The following VEGFA variants were observed in gnomAD, a reference collection of about 807,000 sequenced individuals.
VEGFA encodes vascular endothelial growth factor A.
A neutral mutation model predicts 49.7 loss-of-function variants in VEGFA; 20 were observed. The observed-to-expected ratio is 0.40, with a 90% CI of 0.28 to 0.58. The LOEUF is 0.58. VEGFA is among the 20% of genes least tolerant of loss of function. The probability of loss-of-function intolerance (pLI) is 0.40; values close to 1 mark genes in which losing one functional copy is unlikely to be tolerated. For missense variants in VEGFA, 505 were observed against 553.5 expected, an observed-to-expected ratio of 0.91 and a Z score of 0.88; for synonymous variants, 219 against 223.4, an observed-to-expected ratio of 0.98 and a Z score of 0.18.
Position 43,771,138 on chromosome 6 carries a change from C to G in VEGFA, c.432C>G (p.Gly144=), listed in dbSNP as rs2127996873. ...CCCAGGCCCTGGCCCGGGCCTCGGGCCGGGGAGGAAGAGTAGCTCGCCGAG... is the reference window on the plus strand; with the variant it reads ...CCCAGGCCCTGGCCCGGGCCTCGGGGCGGGGAGGAAGAGTAGCTCGCCGAG... The change falls in exon 1 of 8, where the codon GGC becomes GGG. Residue 144 remains glycine (G), a synonymous_variant. Coordinates refer to ENST00000672860, the MANE Select transcript of VEGFA (RefSeq NM_003376.6). The G allele has an allele frequency of 5.3e-6, 8 of 1,513,448 alleles. No individual in the cohort carries two copies. Among genetic ancestry groups the G allele is most frequent in the Non-Finnish European group, 6.2e-6 (7 of 1,134,774 alleles). 93.8% of individuals were successfully genotyped at this position (1,513,448 alleles called of 1,614,324 possible). A position where few individuals can be genotyped will look rare whatever the true frequency, so the allele number is the denominator to read the frequency against.
chr6:43,778,383 A>C, intron 3 of VEGFA, 77 bp from the exon 4 acceptor site: 1 of 1,286,282 alleles, frequency 7.8e-7, no homozygotes, highest in Non-Finnish European at 1.1e-6. Flanking sequence ...GCTGAGTGGC[A>C]GGAGCCCCAG....
At chr6:43,778,718 C>A (rs1238449293) in intron 4 of VEGFA, 171 bp from the exon 5 acceptor site, 1 of 972,416 alleles carries the variant, frequency 1.0e-6, no homozygotes, top group African/African-American at 1.6e-5. Flanking sequence ...TAGTATACTT[C>A]ATAGCATTGT....
chr6:43,786,161 G>A lies in VEGFA; in HGVS notation c.*1599G>A, dbSNP rs549547019. 771 of 176,010 alleles carry A rather than the reference G, an allele frequency of 4.4e-3. 6 individuals are homozygous for A. Among genetic ancestry groups the A allele is most frequent in the African/African-American group, 0.018 (740 of 41,972 alleles). 10.9% of individuals were successfully genotyped at this position (176,010 alleles called of 1,614,324 possible). ...TTTGTGTGTATATATATATATATATGTTTATGTATATATGTGATTCTGATA... is the reference window on the plus strand; with the variant it reads ...TTTGTGTGTATATATATATATATATATTTATGTATATATGTGATTCTGATA... On this transcript the variant is annotated 3_prime_UTR_variant, in exon 8 of 8. Transcript: ENST00000672860.
chr6:43,772,287 T>G (rs1044837010), intron 1 of VEGFA, among the ~76,000 whole-genome samples: 5 of 152,246 alleles, frequency 3.3e-5, no homozygotes, highest in Admixed American at 2.0e-4. Flanking sequence ...AAGATCCATC[T>G]AACCCCTTTC....
chr6:43,770,719 C>G lies in VEGFA; in HGVS notation c.13C>G (p.Gln5Glu). Residue 5 changes from glutamine to glutamate, a missense_variant, in exon 1 of 8, where the codon CAG becomes GAG. By Grantham distance (29) the Gln-to-Glu change is conservative (BLOSUM62 2). Around this residue, in one of 2 missense-constraint regions of VEGFA, gnomAD observed 340 missense variants for 321.8 expected, o/e 1.06. Transcript: ENST00000672860. ...CTGACCAGTCGCGCTGACGGACAGACAGACAGACACCGCCCCCAGCCCCAG... is the reference window on the plus strand; with the variant it reads ...CTGACCAGTCGCGCTGACGGACAGAGAGACAGACACCGCCCCCAGCCCCAG... 6.5e-7 allele frequency: 1 copy of G among 1,544,608 alleles called. No homozygotes were observed. The highest frequency in any genetic ancestry group is 8.6e-7 in the Non-Finnish European group (1 of 1,157,336).
At chr6:43,774,487 G>A (rs1764650751) in intron 2 of VEGFA, 95 bp downstream of exon 2, 2 of 1,410,472 alleles carry the variant, frequency 1.4e-6, no homozygotes, top group Admixed American at 1.8e-5. Context: ...GGGGAGGAAG[G>A]GGAAGGGGCA....
Position 43,777,081 on chromosome 6 carries a change from G to A in VEGFA, c.659-388G>A. 1 of 354,192 alleles carries A rather than the reference G, an allele frequency of 2.8e-6. No homozygotes were observed. The highest frequency in any genetic ancestry group is 5.5e-6 in the Non-Finnish European group (1 of 180,516). The allele number at this position is 354,192 out of a possible 1,614,324, so 21.9% of individuals were successfully genotyped here. ...ACGTAGGAAACTGGAGACTAGCTTGGCAAAGCTGGCTCTTCCTCCTTTTAG... is the reference window on the plus strand; with the variant it reads ...ACGTAGGAAACTGGAGACTAGCTTGACAAAGCTGGCTCTTCCTCCTTTTAG... On this transcript the variant is annotated intron_variant, in intron 2 of 7. Transcript: ENST00000672860. This position sits in a 1 kb window ranked among gnomAD's most constrained non-coding sequence, Gnocchi z 4.3.
In VEGFA at chr6:43,774,048, G is replaced by A. The variant is rs138319459; in HGVS notation, c.607-293G>A. 1,459 of 526,158 alleles carry A rather than the reference G, an allele frequency of 2.8e-3. 9 individuals are homozygous for A. The highest frequency in any genetic ancestry group is 3.9e-3 in the Non-Finnish European group (1,126 of 289,886). The allele number at this position is 526,158 out of a possible 1,614,324, so 32.6% of individuals were successfully genotyped here. ...GAGGGAAGTGTGGGGAAGGTACAGG[G>A]GACCTCGACAGTGAAGCATTCTGGG... On this transcript the variant is annotated intron_variant, in intron 1 of 7. Coordinates refer to ENST00000672860, the MANE Select transcript of VEGFA (RefSeq NM_003376.6).
rs755307045 is a variant in VEGFA at position 43,777,525 on chromosome 6, G to A, written c.715G>A (p.Val239Met). Residue 239 changes from valine (V) to methionine (M), a missense_variant, in exon 3 of 8, where the codon GTG (valine) becomes ATG (methionine). Physicochemically the swap from Val to Met is conservative, Grantham distance 21. This residue lies in a region of VEGFA where 165 missense variants were observed against 231.7 expected (regional missense o/e 0.71). Transcript: ENST00000672860. The surrounding 1 kb of genome is among the most constrained non-coding windows in gnomAD (Gnocchi z 4.3). ...CTACTGCCATCCAATCGAGACCCTG[G>A]TGGACATCTTCCAGGAGTACCCTGA... The A allele has an allele frequency of 1.2e-6, 2 of 1,614,218 alleles. No homozygotes were observed. The highest frequency in any genetic ancestry group is 1.7e-6 in the Non-Finnish European group (2 of 1,180,044).
At chr6:43,781,853 G>A in intron 6 of VEGFA, 103 bp from the exon 7 acceptor site, 1 of 1,483,148 alleles carries the variant, frequency 6.7e-7, no homozygotes, top group Non-Finnish European at 9.2e-7. Context: ...CGGCTGGGTG[G>A]GGGTGCAGCT....
chr6:43,781,791 C>A, intron 6 of VEGFA, 165 bp from the exon 7 acceptor site: 1 of 890,124 alleles, frequency 1.1e-6, no homozygotes. Context: ...TTCCGCCGCT[C>A]TCTCTGTCTT....
At chr6:43,772,144 C>A in intron 1 of VEGFA, 1 of 881,784 alleles carries the variant, frequency 1.1e-6, no homozygotes. Flanking sequence ...CCTACCCCTT[C>A]CTACTGTCTC....
intron 6 of VEGFA, 199 bp from the exon 7 acceptor site, chr6:43,781,757 G>A (rs1271260971): frequency 2.9e-5 from 18 of 627,958 alleles, no homozygotes; most frequent in East Asian, 6.3e-5. Context: ...TCCTGCGGCA[G>A]GTGTCCTAGC....
rs1169570968 is a variant in VEGFA at position 43,784,586 on chromosome 6, C to T, written c.*24C>T. 6 of 1,614,192 alleles carry T rather than the reference C, an allele frequency of 3.7e-6. No homozygotes were observed. The highest frequency in any genetic ancestry group is 5.1e-6 in the Non-Finnish European group (6 of 1,180,030). On this transcript the variant is annotated 3_prime_UTR_variant, in exon 8 of 8. Transcript: ENST00000672860. ...GAGCCGGGCAGGAGGAAGGAGCCTC[C>T]CTCAGGGTTTCGGGAACCAGATCTC... is the stretch of plus-strand genomic sequence containing the variant.
At chr6:43,780,485 T>C (rs1767136144) in intron 5 of VEGFA, 3 of 548,844 alleles carry the variant, frequency 5.5e-6, no homozygotes, top group Non-Finnish European at 9.8e-6. Context: ...TGTCAGGGGC[T>C]GGGTTTGCCA....
chr6:43,780,912 G>C (rs1018735975), intron 6 of VEGFA, 109 bp downstream of exon 6: 1 of 1,611,314 alleles, frequency 6.2e-7, no homozygotes, highest in African/African-American at 1.3e-5. Context: ...GTCCTTCCCT[G>C]GCTCTCATCC....
At chr6:43,780,993 A>G (rs552665934) in intron 6 of VEGFA, 190 bp downstream of exon 6, 2 of 1,433,636 alleles carry the variant, frequency 1.4e-6, no homozygotes, top group East Asian at 2.4e-5. Flanking sequence ...TGGTGGTGGC[A>G]TTGCTGGTCC....
chr6:43,784,694 T>C lies in VEGFA; in HGVS notation c.*132T>C. 1 of 1,531,048 alleles carries C rather than the reference T, an allele frequency of 6.5e-7. No homozygotes were observed. Among genetic ancestry groups the C allele is most frequent in the Non-Finnish European group, 9.0e-7 (1 of 1,105,690 alleles). 94.8% of individuals were successfully genotyped at this position (1,531,048 alleles called of 1,614,324 possible). On this transcript the variant is annotated 3_prime_UTR_variant, in exon 8 of 8. Transcript: ENST00000672860. ...ACCATCACCATCGACAGAACAGTCC[T>C]TAATCCAGAAACCTGAAATGAAGGA...
intron 7 of VEGFA, chr6:43,783,511 G>A (rs1768612490): frequency 6.6e-6 from 1 of 152,256 alleles, no homozygotes; most frequent in African/African-American, 2.4e-5. Context: ...GTTCCCCAGG[G>A]GTCCTTGGGA....
Sources: allele counts gnomAD v4.1 joint callset (sites outside exome capture counted in the v4.1 genomes callset), GRCh38; gene constraint gnomAD v4.1.1; regional missense constraint gnomAD v4.1.1; non-coding constraint Gnocchi (gnomAD v3.1); transcripts MANE v1.5; gene names NCBI Gene and HGNC (gene_info 2026-07-23, HGNC 2026-07-21).